The following NR3C2 variants were observed in gnomAD, a reference collection of about 807,000 sequenced individuals.
The protein encoded by NR3C2 is mineralocorticoid receptor.
A neutral mutation model predicts 86.4 loss-of-function variants in NR3C2; 15 were observed. The observed-to-expected ratio is 0.17, with a 90% CI of 0.12 to 0.27. The LOEUF (loss-of-function observed/expected upper bound fraction) is 0.27. NR3C2 is among the 10% of genes least tolerant of loss of function. NR3C2 has a pLI of 1.00. For missense variants in NR3C2, 960 were observed against 1,195.6 expected (o/e 0.80, Z 2.91); for synonymous variants, 458 against 450.5 (o/e 1.02, Z -0.21).
At chr4:148,173,953 A>G (rs998766463) in intron 4 of NR3C2, among the ~76,000 whole-genome samples, 3 of 152,170 alleles carry the variant, frequency 2.0e-5, no homozygotes, top group Non-Finnish European at 4.4e-5. Flanking sequence ...AGAACCTTTC[A>G]AGGGGTGAGG....
chr4:148,290,299 G>C (rs986276792), intron 2 of NR3C2, among the ~76,000 whole-genome samples: 2 of 152,116 alleles, frequency 1.3e-5, no homozygotes. Context: ...CCTCTTTAAA[G>C]AGCTTATCTC....
At chr4:148,380,784 T>C (rs1241723076) in intron 2 of NR3C2, among the ~76,000 whole-genome samples, 2 of 152,236 alleles carry the variant, frequency 1.3e-5, no homozygotes, top group Non-Finnish European at 2.9e-5. Context: ...CAATGATGAG[T>C]TTTTAAAACT....
chr4:148,416,115 CATA>C (rs1276491884), intron 2 of NR3C2, among the ~76,000 whole-genome samples: 1 of 152,020 alleles, frequency 6.6e-6, no homozygotes, highest in East Asian at 1.9e-4. Flanking sequence ...ATTTTTATAT[CATA>C]ATAAGAAAAA....
At chr4:148,293,550 T>C (rs1202407433) in intron 2 of NR3C2, among the ~76,000 whole-genome samples, 1 of 152,208 alleles carries the variant, frequency 6.6e-6, no homozygotes, top group African/African-American at 2.4e-5. Context: ...ACAATATGTA[T>C]ACTCCTAAAA....
At chr4:148,288,412 A>T (rs867154490) in intron 2 of NR3C2, among the ~76,000 whole-genome samples, 1 of 152,256 alleles carries the variant, frequency 6.6e-6, no homozygotes, top group South Asian at 2.1e-4. Flanking sequence ...TCTAGGCACC[A>T]GGGTGGAAAA....
chr4:148,325,135 T>TGAGA (rs969743404), intron 2 of NR3C2, among the ~76,000 whole-genome samples: 2 of 123,242 alleles, frequency 1.6e-5, no homozygotes, highest in African/African-American at 7.8e-5. Flanking sequence ...GGAGAGAGAA[T>TGAGA]GAGAGAGAGA....
chr4:148,085,237 C>T (rs758690738), intron 8 of NR3C2, among the ~76,000 whole-genome samples: 1 of 152,064 alleles, frequency 6.6e-6, no homozygotes, highest in Non-Finnish European at 1.5e-5. Context: ...TAAAATTGAC[C>T]ACGTAATTGG....
chr4:148,230,711 T>C (rs1738415995), intron 3 of NR3C2, among the ~76,000 whole-genome samples: 1 of 152,258 alleles, frequency 6.6e-6, no homozygotes, highest in Admixed American at 6.5e-5. Context: ...TCTTCCTCTG[T>C]TTCATTTAAG....
At chr4:148,303,114 CA>C (rs1193475299) in intron 2 of NR3C2, among the ~76,000 whole-genome samples, 1 of 152,152 alleles carries the variant, frequency 6.6e-6, no homozygotes, top group Non-Finnish European at 1.5e-5. Context: ...GTCTATTTTG[CA>C]AACAACTCAG....
intron 3 of NR3C2, among the ~76,000 whole-genome samples, chr4:148,210,907 T>C (rs1014319555): frequency 6.6e-6 from 1 of 152,262 alleles, no homozygotes; most frequent in Admixed American, 6.5e-5. Context: ...AATGTAGATA[T>C]GAGATTAATC....
chr4:148,187,016 A>AAAGAAAC (rs1462567951), intron 4 of NR3C2, among the ~76,000 whole-genome samples: 2 of 89,354 alleles, frequency 2.2e-5, no homozygotes, highest in African/African-American at 7.1e-5. Flanking sequence ...ATATATATAT[A>AAAGAAAC]TATATATATA....
chr4:148,290,762 A>T (rs375863508), intron 2 of NR3C2, among the ~76,000 whole-genome samples: 45 of 152,278 alleles, frequency 3.0e-4, no homozygotes, highest in African/African-American at 9.1e-4. Context: ...CTAAATTTCA[A>T]ATACCTCTCT....
chr4:148,234,454 G>C (rs1008447379), intron 3 of NR3C2, among the ~76,000 whole-genome samples: 1 of 152,012 alleles, frequency 6.6e-6, no homozygotes, highest in Non-Finnish European at 1.5e-5. Flanking sequence ...GGCAGATCAC[G>C]AGGTCAGGAG....
chr4:148,430,164 T>C (rs958373896), intron 2 of NR3C2, among the ~76,000 whole-genome samples: 1 of 152,072 alleles, frequency 6.6e-6, no homozygotes, highest in Non-Finnish European at 1.5e-5. Flanking sequence ...GTAAGAACTT[T>C]ACATTCAAAA....
chr4:148,120,975 T>G (rs781591218), intron 6 of NR3C2, among the ~76,000 whole-genome samples: 2 of 152,224 alleles, frequency 1.3e-5, no homozygotes, highest in Non-Finnish European at 2.9e-5. Flanking sequence ...AAATCCATGT[T>G]ATCTAAAAAC....
intron 2 of NR3C2, among the ~76,000 whole-genome samples, chr4:148,381,404 T>C (rs1364457057): frequency 6.6e-6 from 1 of 152,194 alleles, no homozygotes; most frequent in Non-Finnish European, 1.5e-5. Flanking sequence ...TCCTCACTTG[T>C]TAAAGTTTCT....
chr4:148,397,122 A>T (rs1329146601), intron 2 of NR3C2, among the ~76,000 whole-genome samples: 1 of 152,220 alleles, frequency 6.6e-6, no homozygotes, highest in Non-Finnish European at 1.5e-5. Flanking sequence ...TTCACTCAAC[A>T]TCCTTTCTGG....
chr4:148,308,098 T>A (rs912370910), intron 2 of NR3C2, among the ~76,000 whole-genome samples: 1 of 152,114 alleles, frequency 6.6e-6, no homozygotes, highest in Non-Finnish European at 1.5e-5. Flanking sequence ...TTTAAGAAAC[T>A]TCACATTGTT....
chr4:148,309,263 G>A (rs944940698), intron 2 of NR3C2, among the ~76,000 whole-genome samples: 1 of 152,106 alleles, frequency 6.6e-6, no homozygotes, highest in Admixed American at 6.6e-5. Flanking sequence ...GAAAACAAAT[G>A]TGATTTCAAC....
Sources: gnomAD v4.1 joint callset for allele counts (sites outside exome capture counted in the v4.1 genomes callset) on GRCh38, gnomAD v4.1.1 for gene constraint, MANE v1.5 for transcripts, NCBI Gene and HGNC (gene_info 2026-07-23, HGNC 2026-07-21) for gene names.